FGF13: variants seen among roughly 807,000 people sequenced by gnomAD.
FGF13 encodes the protein fibroblast growth factor 13, also known as fibroblast growth factor homologous factor 2.
In FGF13, 2 loss-of-function variants were observed where a neutral mutation model predicts 19.5. The ratio of observed to expected loss-of-function variants is 0.10; its 90% CI spans 0.04 to 0.32. The LOEUF is 0.32. Ranked by LOEUF, FGF13 falls within the 10% of genes least tolerant of loss-of-function variation. The pLI is 1.00. For missense variants in FGF13, 113 were observed against 192.7 expected, an observed-to-expected ratio of 0.59 and a Z score of 2.45; for synonymous variants, 72 against 76.9, an observed-to-expected ratio of 0.94 and a Z score of 0.33.
At chrX:139,087,295 CAA>C (rs200436266) in intron 1 of FGF13, among the ~76,000 whole-genome samples, 2 of 94,543 alleles carry the variant, frequency 2.1e-5, no homozygotes, top group Non-Finnish European at 2.1e-5. Flanking sequence ...AAAACTCCGT[CAA>C]AAAAAAAAAA....
chrX:138,683,105 C>A (rs2089745044), intron 3 of FGF13, among the ~76,000 whole-genome samples: 1 of 111,220 alleles, frequency 9.0e-6, no homozygotes, highest in South Asian at 3.7e-4. Flanking sequence ...ATAAGCGAGC[C>A]AGGAAAAAGC....
chrX:138,916,539 A>T (rs1211692362), intron 1 of FGF13, among the ~76,000 whole-genome samples: 1 of 112,256 alleles, frequency 8.9e-6, no homozygotes. Flanking sequence ...TAAACTCATT[A>T]TCTATTTCTG....
intron 1 of FGF13, among the ~76,000 whole-genome samples, chrX:139,095,913 A>T (rs1021258891): frequency 3.6e-5 from 4 of 111,784 alleles, no homozygotes; most frequent in African/African-American, 1.3e-4. Context: ...TTCCAAGACC[A>T]GTTAGCATTT....
intron 3 of FGF13, among the ~76,000 whole-genome samples, chrX:138,637,880 A>G (rs939626501): frequency 1.2e-4 from 13 of 111,792 alleles, no homozygotes; most frequent in African/African-American, 4.2e-4. Flanking sequence ...AATACAGAAA[A>G]CAGGGAAGAA....
At chrX:138,925,540 C>T (rs1172253437) in intron 1 of FGF13, among the ~76,000 whole-genome samples, 1 of 111,687 alleles carries the variant, frequency 9.0e-6, no homozygotes, top group Non-Finnish European at 1.9e-5. Flanking sequence ...GTGAAGCAAC[C>T]TTGGATTCCT....
chrX:138,881,649 TC>T (rs1458537826), intron 1 of FGF13, among the ~76,000 whole-genome samples: 59 of 112,087 alleles, frequency 5.3e-4, no homozygotes, highest in African/African-American at 1.8e-3. Flanking sequence ...ATTGTGTGTT[TC>T]TAAAAGTTTG....
chrX:139,081,162 A>T (rs2083368037), intron 1 of FGF13, among the ~76,000 whole-genome samples: 1 of 110,500 alleles, frequency 9.0e-6, no homozygotes, highest in South Asian at 3.9e-4. Context: ...TCCCCACTAC[A>T]CTACTAAAAA....
intron 1 of FGF13, among the ~76,000 whole-genome samples, chrX:138,738,698 T>C (rs1182009734): frequency 1.8e-5 from 2 of 112,019 alleles, no homozygotes; most frequent in African/African-American, 3.2e-5. Context: ...GTGATTTCCC[T>C]GAAGATACAC....
chrX:138,960,004 G>A (rs1255346670), intron 1 of FGF13, among the ~76,000 whole-genome samples: 1 of 111,890 alleles, frequency 8.9e-6, no homozygotes, highest in Non-Finnish European at 1.9e-5. Context: ...TTTAATTGGG[G>A]CATTTAGCCC....
intron 1 of FGF13, among the ~76,000 whole-genome samples, chrX:138,879,390 C>T (rs971542875): frequency 3.6e-5 from 4 of 111,665 alleles, no homozygotes; most frequent in African/African-American, 9.8e-5. Flanking sequence ...ATTTTACTTC[C>T]GTTGCTCATG....
At chrX:139,024,197 A>T (rs2092191687) in intron 1 of FGF13, among the ~76,000 whole-genome samples, 1 of 111,359 alleles carries the variant, frequency 9.0e-6, no homozygotes, top group Non-Finnish European at 1.9e-5. Context: ...TTTTGACCAA[A>T]AGTCTCCCCT....
At chrX:138,778,404 C>T (rs992436920) in intron 3 of FGF13, among the ~76,000 whole-genome samples, 1 of 111,660 alleles carries the variant, frequency 9.0e-6, no homozygotes, top group Non-Finnish European at 1.9e-5. Flanking sequence ...TCTGAGGTAC[C>T]GGGTTCATCT....
intron 1 of FGF13, among the ~76,000 whole-genome samples, chrX:138,891,002 A>C (rs1307778631): frequency 8.9e-6 from 1 of 112,491 alleles, no homozygotes; most frequent in Non-Finnish European, 1.9e-5. Flanking sequence ...GCTTAAAAAA[A>C]CATTTGTGGC....
At chrX:138,948,149 G>A (rs1444915292) in intron 1 of FGF13, among the ~76,000 whole-genome samples, 1 of 111,800 alleles carries the variant, frequency 8.9e-6, no homozygotes, top group African/African-American at 3.2e-5. Flanking sequence ...CCACACAGAA[G>A]GGGCAGGTGT....
intron 1 of FGF13, among the ~76,000 whole-genome samples, chrX:139,089,168 G>C (rs1322592485): frequency 8.9e-6 from 1 of 112,045 alleles, no homozygotes; most frequent in Non-Finnish European, 1.9e-5. Flanking sequence ...ATGTGTGTTG[G>C]AGAGAAAGTG....
At chrX:138,952,607 C>T (rs1446757555) in intron 1 of FGF13, among the ~76,000 whole-genome samples, 1 of 111,139 alleles carries the variant, frequency 9.0e-6, no homozygotes, top group Admixed American at 9.5e-5. Flanking sequence ...AGCTTCTGCA[C>T]AGCAAAAGAA....
intron 3 of FGF13, among the ~76,000 whole-genome samples, chrX:138,680,838 G>C (rs1423860574): frequency 1.8e-5 from 2 of 110,851 alleles, no homozygotes; most frequent in African/African-American, 6.6e-5. Context: ...AAACCCCTGG[G>C]TGGCATCTCC....
At chrX:138,772,055 T>TATATATATAC (rs1445223471) in intron 3 of FGF13, among the ~76,000 whole-genome samples, 1 of 81,602 alleles carries the variant, frequency 1.2e-5, no homozygotes, top group Non-Finnish European at 2.3e-5. Context: ...TATATATATA[T>TATATATATAC]ATAGTAAAAT....
chrX:138,927,153 C>T (rs751575748), intron 1 of FGF13, among the ~76,000 whole-genome samples: 2 of 111,517 alleles, frequency 1.8e-5, no homozygotes, highest in Non-Finnish European at 3.8e-5. Context: ...ATAGCTCCAT[C>T]GTCACTACAG....
Sources: allele counts gnomAD v4.1 joint callset (sites outside exome capture counted in the v4.1 genomes callset), GRCh38; gene constraint gnomAD v4.1.1; transcripts MANE v1.5; gene names NCBI Gene and HGNC (gene_info 2026-07-23, HGNC 2026-07-21).